The following SLC35E1 variants were observed in gnomAD, a reference collection of about 807,000 sequenced individuals.
SLC35E1 encodes solute carrier family 35, member E1.
In SLC35E1, 12 loss-of-function variants were observed where a neutral mutation model predicts 31.0. The observed-to-expected ratio is 0.39, with a 90% CI of 0.25 to 0.63. The LOEUF (loss-of-function observed/expected upper bound fraction) is 0.63, where lower values mean the gene tolerates loss of function less well. Among genes scored for constraint, SLC35E1 ranks in the 20% least tolerant of loss-of-function variants. SLC35E1 has a pLI of 0.52. For missense variants in SLC35E1, 429 were observed against 572.2 expected (o/e 0.75, Z 2.55); for synonymous variants, 257 against 264.1 (o/e 0.97, Z 0.26).
Position 16,551,331 on chromosome 19 carries a change from C to T in SLC35E1, c.*2348G>A, listed in dbSNP as rs2085844172. The T allele has an allele frequency of 6.6e-6, 1 of 152,184 alleles. No homozygotes were observed. Among genetic ancestry groups the T allele is most frequent in the Non-Finnish European group, 1.5e-5 (1 of 68,036 alleles). 9.4% of individuals were successfully genotyped at this position (152,184 alleles called of 1,614,324 possible). The stretch of plus-strand genomic sequence containing the variant: ...GGTGGTGCGGAAACTCACCGCCAAA[C>T]AGGGTGGGGGGCCAGTCACCTCTTC... On this transcript the variant is annotated 3_prime_UTR_variant, in exon 6 of 6. Transcript: ENST00000595753.
rs1377947262 is a variant in SLC35E1 at position 16,550,295 on chromosome 19, C to A, written c.*3384G>T. On this transcript the variant is annotated 3_prime_UTR_variant, in exon 6 of 6. Coordinates refer to ENST00000595753, the MANE Select transcript of SLC35E1 (RefSeq NM_024881.5). Reference sequence around the variant, plus strand: ...AGTCAGTATTACCAGCCAGACCATACCCTGATGGGTAAAGGAAATTCTCTA... The same window carrying A: ...AGTCAGTATTACCAGCCAGACCATAACCTGATGGGTAAAGGAAATTCTCTA... The A allele has an allele frequency of 6.6e-6, 1 of 152,248 alleles. No homozygotes were observed. Among genetic ancestry groups the A allele is most frequent in the Non-Finnish European group, 1.5e-5 (1 of 68,062 alleles). 9.4% of individuals were successfully genotyped at this position (152,248 alleles called of 1,614,324 possible).
intron 2 of SLC35E1, among the ~76,000 whole-genome samples, chr19:16,569,929 G>A (rs2085949651): frequency 6.6e-6 from 1 of 152,304 alleles, no homozygotes; most frequent in Non-Finnish European, 1.5e-5. Flanking sequence ...CAGACCGAGG[G>A]CTGTGGACCT....
At position 16,566,674 on chromosome 19, in the gene SLC35E1, T is replaced by C; in HGVS notation, c.631-17A>G. The C allele has an allele frequency of 1.2e-6, 2 of 1,609,436 alleles. No individual in the cohort carries two copies. The highest frequency in any genetic ancestry group is 2.2e-5 in the East Asian group (1 of 44,838). On this transcript the variant is annotated splice_polypyrimidine_tract_variant and intron_variant, in intron 3 of 5. Transcript: ENST00000595753. ...TCGCAAGACCTGGAAAGGGAAAGCC[T>C]CTTTAGAGGGTGATTAAAACTATAT...
rs1322659806 is a variant in SLC35E1, at chr19:16,556,799, A to G, written c.757-1402T>C. 8.6e-6 allele frequency: 4 copies of G among 465,530 alleles called. No individual in the cohort carries two copies. The Admixed American group carries it at 9.4e-5, about 11-fold the overall frequency. The allele number at this position is 465,530 out of a possible 1,614,324, so 28.8% of individuals were successfully genotyped here. On this transcript the variant is annotated intron_variant, in intron 4 of 5. Transcript: ENST00000595753. ...AGCTGCAGGATGTCTACCTGACTCCATCTCCACTGCACTCCAAGAGAGAAG... is the reference window on the plus strand; with the variant it reads ...AGCTGCAGGATGTCTACCTGACTCCGTCTCCACTGCACTCCAAGAGAGAAG...
intron 4 of SLC35E1, among the ~76,000 whole-genome samples, chr19:16,562,354 C>T (rs1318407089): frequency 6.6e-6 from 1 of 152,156 alleles, no homozygotes; most frequent in Non-Finnish European, 1.5e-5. Context: ...CTCTCTGGGA[C>T]GATGAGATGA....
At chr19:16,571,095 CA>C (rs57729159) in intron 2 of SLC35E1, among the ~76,000 whole-genome samples, 1,021 of 67,270 alleles carry the variant, frequency 0.015, 6 homozygotes, top group African/African-American at 0.035. Flanking sequence ...AACTCCGTCT[CA>C]AAAAAAAAAA....
chr19:16,558,865 G>A (rs1044767643), intron 4 of SLC35E1, among the ~76,000 whole-genome samples: 3 of 148,254 alleles, frequency 2.0e-5, no homozygotes, highest in Admixed American at 6.8e-5. Flanking sequence ...CGCCTCCCAC[G>A]TTCAAGCAGT....
At chr19:16,559,685 A>G (rs940739287) in intron 4 of SLC35E1, among the ~76,000 whole-genome samples, 12 of 151,798 alleles carry the variant, frequency 7.9e-5, no homozygotes, top group African/African-American at 2.9e-4. Context: ...TTGGTTCTTC[A>G]CTCTATCTTC....
In SLC35E1 at chr19:16,551,427, C is replaced by T. The variant is rs2085844761; in HGVS notation, c.*2252G>A. ...TTCCAATTGAAAGAAAAACAAACAA[C>T]AACAAAAGAAACACCAGTCAAGCAT... On this transcript the variant is annotated 3_prime_UTR_variant, in exon 6 of 6. Transcript: ENST00000595753. The T allele has an allele frequency of 6.6e-6, 1 of 152,116 alleles. No individual in the cohort carries two copies. Among genetic ancestry groups the T allele is most frequent in the South Asian group, 2.1e-4 (1 of 4,830 alleles). 9.4% of individuals were successfully genotyped at this position (152,116 alleles called of 1,614,324 possible).
intron 4 of SLC35E1, among the ~76,000 whole-genome samples, chr19:16,560,881 C>CAAAAA (rs1304202019): frequency 1.5e-5 from 1 of 68,060 alleles, no homozygotes; most frequent in South Asian, 4.8e-4. Flanking sequence ...AAAAAAAAAC[C>CAAAAA]AAAAAAAAAA....
intron 5 of SLC35E1, among the ~76,000 whole-genome samples, chr19:16,554,540 G>A (rs2085864760): frequency 6.6e-6 from 1 of 152,036 alleles, no homozygotes; most frequent in South Asian, 2.1e-4. Context: ...AAATGAAGAG[G>A]CCAGGTGTGG....
rs930795398 is a variant in SLC35E1 at position 16,553,533 on chromosome 19, G to A, written c.*146C>T. 20 of 700,918 alleles carry A rather than the reference G, an allele frequency of 2.9e-5. No individual in the cohort carries two copies. Among genetic ancestry groups the A allele is most frequent in the Non-Finnish European group, 4.3e-5 (20 of 465,532 alleles). 43.4% of individuals were successfully genotyped at this position (700,918 alleles called of 1,614,324 possible). On this transcript the variant is annotated 3_prime_UTR_variant, in exon 6 of 6. Coordinates refer to ENST00000595753, the MANE Select transcript of SLC35E1 (RefSeq NM_024881.5). ...CAACGCATCCTCCTGCGGCTCACGG[G>A]GGGCCAGGAACCCCAGGGCTTCTGA...
chr19:16,560,096 G>C (rs966591258), intron 4 of SLC35E1, among the ~76,000 whole-genome samples: 1 of 152,156 alleles, frequency 6.6e-6, no homozygotes, highest in Admixed American at 6.6e-5. Flanking sequence ...TGGTCAGTCT[G>C]AAAGCCAAGC....
intron 4 of SLC35E1, chr19:16,565,814 CTTTTTTTTTTT>C (rs536769066): frequency 0.085 from 5,958 of 69,900 alleles, 315 homozygotes; most frequent in Middle Eastern, 0.22. Context: ...CTGCGCCCGG[CTTTTTTTTTTT>C]TTTTTTTTTT....
At chr19:16,559,482 AC>A (rs2085893712) in intron 4 of SLC35E1, among the ~76,000 whole-genome samples, 2 of 151,298 alleles carry the variant, frequency 1.3e-5, no homozygotes, top group Non-Finnish European at 2.9e-5. Context: ...ACACACACAC[AC>A]ACACACACAC....
Position 16,551,407 on chromosome 19 carries a change from A to G in SLC35E1, c.*2272T>C, listed in dbSNP as rs190406916. 6.6e-6 allele frequency: 1 copy of G among 152,288 alleles called. No homozygotes were observed. Among genetic ancestry groups the G allele is most frequent in the East Asian group, 1.9e-4 (1 of 5,180 alleles). 9.4% of individuals were successfully genotyped at this position (152,288 alleles called of 1,614,324 possible). ...ATAACATCTTAAATACAGAATTCCA[A>G]TTGAAAGAAAAACAAACAACAACAA... On this transcript the variant is annotated 3_prime_UTR_variant, in exon 6 of 6. Transcript: ENST00000595753.
chr19:16,561,240 A>AAAAAAAAAAAAAAAAG (rs1568273090), intron 4 of SLC35E1, among the ~76,000 whole-genome samples: 2 of 128,764 alleles, frequency 1.6e-5, no homozygotes, highest in South Asian at 2.4e-4. Flanking sequence ...AAAAAAAAAA[A>AAAAAAAAAAAAAAAAG]AAAGAAAGAA....
At chr19:16,565,254 A>G in intron 4 of SLC35E1, 1 of 398,834 alleles carries the variant, frequency 2.5e-6, no homozygotes, top group South Asian at 1.8e-5. Context: ...CTTGTTGCCC[A>G]GGCTGGAGTG....
intron 4 of SLC35E1, among the ~76,000 whole-genome samples, chr19:16,561,005 C>T (rs1210887855): frequency 1.3e-5 from 2 of 149,216 alleles, no homozygotes; most frequent in Non-Finnish European, 3.0e-5. Flanking sequence ...AGTTCAAGAC[C>T]AGCCTGGCCA....
Sources: gnomAD v4.1 joint callset for allele counts (sites outside exome capture counted in the v4.1 genomes callset) on GRCh38, gnomAD v4.1.1 for gene constraint, MANE v1.5 for transcripts, NCBI Gene and HGNC (gene_info 2026-07-23, HGNC 2026-07-21) for gene names.